The following DPP10 variants were observed in gnomAD, a reference collection of about 807,000 sequenced individuals.
DPP10 encodes dipeptidyl peptidase like 10.
Under a neutral mutation model 120.9 loss-of-function variants are expected in DPP10, and 33 were observed. That is an observed-to-expected ratio of 0.27 (90% CI 0.21 to 0.37). The LOEUF (loss-of-function observed/expected upper bound fraction) is 0.37. Among genes scored for constraint, DPP10 ranks in the 10% least tolerant of loss-of-function variants. The pLI is 1.00. For missense variants in DPP10, 816 were observed against 942.8 expected (o/e 0.87, Z 1.76); for synonymous variants, 337 against 326.1 (o/e 1.03, Z -0.36).
intron 1 of DPP10, among the ~76,000 whole-genome samples, chr2:115,067,332 A>G (rs1706945024): frequency 6.6e-6 from 1 of 151,546 alleles, no homozygotes; most frequent in Non-Finnish European, 1.5e-5. Flanking sequence ...GCTCACTGCA[A>G]GCTCCGCCTC....
At chr2:114,808,680 C>T (rs1169657461) in intron 1 of DPP10, among the ~76,000 whole-genome samples, 1 of 151,932 alleles carries the variant, frequency 6.6e-6, no homozygotes, top group East Asian at 1.9e-4. Flanking sequence ...CTTCACCTTG[C>T]CATAAGGCTG....
chr2:114,834,217 GTA>G (rs1201823959), intron 1 of DPP10, among the ~76,000 whole-genome samples: 1 of 138,542 alleles, frequency 7.2e-6, no homozygotes, highest in Non-Finnish European at 1.6e-5. Context: ...ACACACCTAT[GTA>G]TATATATAGG....
chr2:115,246,230 T>C (rs1302050075), intron 1 of DPP10, among the ~76,000 whole-genome samples: 1 of 152,272 alleles, frequency 6.6e-6, no homozygotes, highest in East Asian at 1.9e-4. Flanking sequence ...TACATAGTTA[T>C]CAAACCTTCA....
intron 1 of DPP10, among the ~76,000 whole-genome samples, chr2:115,199,277 G>A (rs1428820575): frequency 6.6e-6 from 1 of 151,388 alleles, no homozygotes; most frequent in African/African-American, 2.4e-5. Context: ...TTATTTGTGT[G>A]CATATTATGT....
rs1679232410 is a variant in DPP10, at chr2:114,464,971, A to G, written c.60+22133A>G. The stretch of plus-strand genomic sequence containing the variant: ...ATTATGTTAGTTTTCCCCGTTCTCC[A>G]TAAAATGACCACTGTGTCTGTCAGA... On this transcript the variant is annotated intron_variant, in intron 1 of 25. Transcript: ENST00000410059. 2.0e-5 allele frequency among the ~76,000 whole-genome samples: 3 copies of G among 152,322 alleles called. No homozygotes were observed. The South Asian group carries it at 6.2e-4, about 32-fold the overall frequency.
chr2:115,802,354 A>C (rs1575821680), intron 19 of DPP10, among the ~76,000 whole-genome samples: 1 of 151,942 alleles, frequency 6.6e-6, no homozygotes, highest in Non-Finnish European at 1.5e-5. Flanking sequence ...GCGGTCTATC[A>C]ATTTTGTTGA....
intron 3 of DPP10, among the ~76,000 whole-genome samples, chr2:115,366,488 T>A (rs1292886713): frequency 6.6e-6 from 1 of 152,140 alleles, no homozygotes; most frequent in Non-Finnish European, 1.5e-5. Flanking sequence ...GCTATGTATG[T>A]CTTTAAGTTA....
chr2:115,203,771 A>G (rs2055915124), intron 1 of DPP10, among the ~76,000 whole-genome samples: 1 of 151,992 alleles, frequency 6.6e-6, no homozygotes, highest in Admixed American at 6.6e-5. Flanking sequence ...CAAACACAAA[A>G]TATTTTATAC....
intron 1 of DPP10, among the ~76,000 whole-genome samples, chr2:114,786,245 G>A (rs961012077): frequency 6.6e-6 from 1 of 152,156 alleles, no homozygotes; most frequent in African/African-American, 2.4e-5. Context: ...AAACATTAGT[G>A]TTTTAAATAT....
Position 115,815,688 on chromosome 2 carries a change from C to A in DPP10, c.1909C>A (p.Leu637Met). 6.2e-7 allele frequency: 1 copy of A among 1,600,218 alleles called. No individual in the cohort carries two copies. Among genetic ancestry groups the A allele is most frequent in the Non-Finnish European group, 8.5e-7 (1 of 1,172,800 alleles). ...QITAVKFLLK[L>M]PYIDSKRLSI... ...TTTTCATTGCAGATTTTTGCTGAAACTGCCTTACATTGACTCCAAAAGATT... is the reference window on the plus strand; with the variant it reads ...TTTTCATTGCAGATTTTTGCTGAAAATGCCTTACATTGACTCCAAAAGATT... The change falls in exon 21 of 26, where the codon CTG becomes ATG. Residue 637 changes from leucine (L) to methionine (M), a missense_variant. Leu to Met is a conservative substitution (Grantham distance 15, BLOSUM62 2). Coordinates refer to ENST00000410059, the MANE Select transcript of DPP10 (RefSeq NM_020868.6).
intron 1 of DPP10, among the ~76,000 whole-genome samples, chr2:114,936,234 A>G (rs1271193541): frequency 1.3e-5 from 2 of 152,086 alleles, no homozygotes; most frequent in African/African-American, 2.4e-5. Context: ...GTGAGAATGT[A>G]CAATGTTTGG....
chr2:115,116,653 T>C (rs777657693), intron 1 of DPP10, among the ~76,000 whole-genome samples: 7 of 152,202 alleles, frequency 4.6e-5, no homozygotes, highest in African/African-American at 1.4e-4. Flanking sequence ...AAGCCACTTA[T>C]TTTAAAGATA....
chr2:115,339,552 C>A (rs2063336716), intron 2 of DPP10, among the ~76,000 whole-genome samples: 1 of 152,000 alleles, frequency 6.6e-6, no homozygotes, highest in African/African-American at 2.4e-5. Context: ...CCAGAAATAA[C>A]AATAACTCAA....
At chr2:114,673,209 C>G (rs1484588360) in intron 1 of DPP10, among the ~76,000 whole-genome samples, 1 of 152,170 alleles carries the variant, frequency 6.6e-6, no homozygotes, top group African/African-American at 2.4e-5. Flanking sequence ...CTTGCACAAG[C>G]TTCAGTGTGT....
At chr2:115,671,672 G>A (rs2089878130) in intron 5 of DPP10, among the ~76,000 whole-genome samples, 1 of 152,016 alleles carries the variant, frequency 6.6e-6, no homozygotes, top group Non-Finnish European at 1.5e-5. Context: ...AGACAGCACT[G>A]ACTAGATCAA....
At chr2:114,967,251 T>C (rs919839868) in intron 1 of DPP10, among the ~76,000 whole-genome samples, 1 of 152,194 alleles carries the variant, frequency 6.6e-6, no homozygotes, top group African/African-American at 2.4e-5. Flanking sequence ...TGATAATTAT[T>C]GGAACAGTGC....
chr2:115,337,094 G>T (rs958532756), intron 2 of DPP10, among the ~76,000 whole-genome samples: 1 of 151,588 alleles, frequency 6.6e-6, no homozygotes, highest in African/African-American at 2.4e-5. Context: ...ATGAGCAGAG[G>T]GTAAGCTTGG....
chr2:114,593,561 C>A (rs1056686835), intron 1 of DPP10, among the ~76,000 whole-genome samples: 9 of 152,146 alleles, frequency 5.9e-5, no homozygotes, highest in African/African-American at 2.2e-4. Context: ...TTCTAATATT[C>A]ATCGCAGTCG....
intron 2 of DPP10, among the ~76,000 whole-genome samples, chr2:115,333,521 A>G (rs147678934): frequency 0.018 from 2,685 of 152,206 alleles, 94 homozygotes; most frequent in African/African-American, 0.062. Context: ...CCTAGCATCA[A>G]TGGTCTTTAC....
Sources: gnomAD v4.1 joint callset for allele counts (sites outside exome capture counted in the v4.1 genomes callset) on GRCh38, gnomAD v4.1.1 for gene constraint, MANE v1.5 for transcripts, NCBI Gene and HGNC (gene_info 2026-07-23, HGNC 2026-07-21) for gene names.